The following NEDD4L variants were observed in gnomAD, a reference collection of about 807,000 sequenced individuals.
NEDD4L encodes NEDD4 like E3 ubiquitin protein ligase.
NEDD4L carries 54 observed loss-of-function variants against 148.9 expected under a neutral mutation model. The ratio of observed to expected loss-of-function variants is 0.36; its 90% CI spans 0.29 to 0.45. The LOEUF (loss-of-function observed/expected upper bound fraction) is 0.45, where lower values mean the gene tolerates loss of function less well. Ranked by LOEUF, NEDD4L falls within the 20% of genes least tolerant of loss-of-function variation. NEDD4L has a pLI of 1.00. For missense variants in NEDD4L, 856 were observed against 1,233.8 expected (o/e 0.69, Z 4.59); for synonymous variants, 433 against 440.7 (o/e 0.98, Z 0.22).
intron 1 of NEDD4L, among the ~76,000 whole-genome samples, chr18:58,134,063 T>A (rs894711968): frequency 2.6e-5 from 4 of 152,134 alleles, no homozygotes; most frequent in African/African-American, 4.8e-5. Context: ...TGCAGAGGCA[T>A]GATCCTGGCT....
At chr18:58,074,088 C>A (rs1319524031) in intron 1 of NEDD4L, among the ~76,000 whole-genome samples, 5 of 152,048 alleles carry the variant, frequency 3.3e-5, no homozygotes, top group Non-Finnish European at 5.9e-5. Context: ...ATTGGAGCAT[C>A]CCTCAATTCC....
At chr18:58,237,024 A>AAATAATAATAAT (rs74175853) in intron 2 of NEDD4L, among the ~76,000 whole-genome samples, 1 of 150,366 alleles carries the variant, frequency 6.7e-6, no homozygotes, top group African/African-American at 2.4e-5. Flanking sequence ...ACTCCATCTC[A>AAATAATAATAAT]AATAATAATA....
intron 15 of NEDD4L, among the ~76,000 whole-genome samples, chr18:58,342,072 G>A (rs996261215): frequency 3.9e-5 from 6 of 152,324 alleles, no homozygotes; most frequent in South Asian, 2.1e-4. Flanking sequence ...GACTTCCACC[G>A]TTCTTGTTGT....
intron 1 of NEDD4L, among the ~76,000 whole-genome samples, chr18:58,084,342 G>T (rs990615637): frequency 1.9e-4 from 29 of 152,162 alleles, no homozygotes; most frequent in African/African-American, 7.0e-4. Context: ...ATGCTTGTAC[G>T]ACTCTGTGGA....
At chr18:58,389,408 G>A (rs1196131244) in intron 28 of NEDD4L, 9 of 454,358 alleles carry the variant, frequency 2.0e-5, no homozygotes, top group Admixed American at 1.8e-4. Context: ...AATGAAGTTG[G>A]TCCCTACAAA....
intron 1 of NEDD4L, among the ~76,000 whole-genome samples, chr18:58,071,421 A>G (rs958078771): frequency 6.6e-6 from 1 of 152,216 alleles, no homozygotes; most frequent in African/African-American, 2.4e-5. Flanking sequence ...TAGTAACTGA[A>G]ATGAAGAATT....
chr18:58,349,472 G>A, intron 16 of NEDD4L, 65 bp from the exon 17 acceptor site: 5 of 1,365,012 alleles, frequency 3.7e-6, no homozygotes, highest in South Asian at 3.5e-5. Context: ...AAGAAGAAAA[G>A]CACCCAGTAA....
intron 1 of NEDD4L, among the ~76,000 whole-genome samples, chr18:58,072,814 C>G (rs1568175317): frequency 6.6e-6 from 1 of 151,854 alleles, no homozygotes. Context: ...AGAAAAGTAT[C>G]TGTAGTTACA....
chr18:58,295,542 C>T (rs1477836143), intron 5 of NEDD4L, among the ~76,000 whole-genome samples: 1 of 152,090 alleles, frequency 6.6e-6, no homozygotes, highest in Non-Finnish European at 1.5e-5. Context: ...TGGGTTTTGG[C>T]AATTATGAAT....
intron 1 of NEDD4L, among the ~76,000 whole-genome samples, chr18:58,094,700 C>T (rs1474752337): frequency 6.6e-6 from 1 of 151,512 alleles, no homozygotes; most frequent in African/African-American, 2.4e-5. Context: ...TGTAGATGGC[C>T]CCAACATCAT....
rs1170562534 is a variant in NEDD4L at position 58,256,639 on chromosome 18, A to T, written c.297+4585A>T. The T allele has an allele frequency of 3.2e-6, 4 of 1,232,200 alleles. No individual in the cohort carries two copies. In the East Asian group the frequency reaches 1.3e-4, roughly 39 times the overall value. 76.3% of individuals were successfully genotyped at this position (1,232,200 alleles called of 1,614,324 possible). On this transcript the variant is annotated intron_variant, in intron 5 of 30. Coordinates refer to ENST00000400345, the MANE Select transcript of NEDD4L (RefSeq NM_001144967.3). This position sits in a 1 kb window ranked among gnomAD's most constrained non-coding sequence, Gnocchi z 5.2. ...GGACTCCGCAGGGCCAGGGGTGCAC[A>T]TTTAAGATCAGGCAGGATCAGAACG...
rs537442450 is a variant in NEDD4L, at chr18:58,397,380, T to C, written c.*1111T>C. ...TTATTTTTTTATCATGAACATTAAA[T>C]GTGATGATGATTTCTTTTCCCTGCA... is the stretch of plus-strand genomic sequence containing the variant. On this transcript the variant is annotated 3_prime_UTR_variant, in exon 31 of 31. Coordinates refer to ENST00000400345, the MANE Select transcript of NEDD4L (RefSeq NM_001144967.3). 2 of 152,750 alleles carry C rather than the reference T, an allele frequency of 1.3e-5. No homozygotes were observed. The highest frequency in any genetic ancestry group is 1.3e-4 in the Admixed American group (2 of 15,304). 9.5% of individuals were successfully genotyped at this position (152,750 alleles called of 1,614,324 possible).
In NEDD4L at chr18:58,348,326, C is replaced by CTTTTTTTTCTTTTTTTTTTTTTTT. The variant is rs2043371626; in HGVS notation, c.1576-1203_1576-1202insCTTTTTTTTTTTTTTTTTTTTTTT. Among the ~76,000 whole-genome samples the CTTTTTTTTCTTTTTTTTTTTTTTT allele has an allele frequency of 6.7e-4, 59 of 88,670 alleles. 1 individual carries two copies. Among genetic ancestry groups the CTTTTTTTTCTTTTTTTTTTTTTTT allele is most frequent in the African/African-American group, 3.1e-3 (58 of 18,516 alleles). 58.2% of individuals were successfully genotyped at this position (88,670 alleles called of 152,430 possible). A position where few individuals can be genotyped will look rare whatever the true frequency, so the allele number is the denominator to read the frequency against. On this transcript the variant is annotated intron_variant, in intron 16 of 30. Transcript: ENST00000400345. Reference sequence around the variant, plus strand: ...CACTGCATTTCTTTTTCTTTTTTTTCTTTTTTTTTTTTTTTTTTTTTTTGA... The same window carrying CTTTTTTTTCTTTTTTTTTTTTTTT: ...CACTGCATTTCTTTTTCTTTTTTTTCTTTTTTTTCTTTTTTTTTTTTTTTTTTTTTTTTTTTTTTTTTTTTTTGA...
chr18:58,365,600 G>A (rs545215904), intron 20 of NEDD4L, among the ~76,000 whole-genome samples: 1 of 152,314 alleles, frequency 6.6e-6, no homozygotes, highest in Admixed American at 6.5e-5. Flanking sequence ...GCATGGATAG[G>A]CCCAACCTGG....
At chr18:58,359,514 T>C (rs2045191094) in intron 19 of NEDD4L, among the ~76,000 whole-genome samples, 1 of 152,230 alleles carries the variant, frequency 6.6e-6, no homozygotes, top group South Asian at 2.1e-4. Context: ...TGCTTTAAAC[T>C]TTCCTAATAG....
intron 1 of NEDD4L, among the ~76,000 whole-genome samples, chr18:58,138,694 C>T (rs2033145282): frequency 6.6e-6 from 1 of 152,148 alleles, no homozygotes; most frequent in South Asian, 2.1e-4. Context: ...TGGGGACCTG[C>T]TTCCTGGTCT....
In NEDD4L at chr18:58,141,994, T is replaced by G. The variant is rs73959502; in HGVS notation, c.49-23794T>G. Among the ~76,000 whole-genome samples the G allele has an allele frequency of 7.7e-3, 1,158 of 150,456 alleles. 18 individuals carry two copies. The highest frequency in any genetic ancestry group is 0.027 in the African/African-American group (1,082 of 40,780). On this transcript the variant is annotated intron_variant, in intron 1 of 30. Transcript: ENST00000400345. ...TGTAAAGGAGCAGGCACTGTGGGTT[T>G]TGTCTACCCCACCCCCCCGACCCCA...
rs1293762343 is a variant in NEDD4L, at chr18:58,383,452, C to A, written c.2426+133C>A. On this transcript the variant is annotated intron_variant, in intron 25 of 30. Coordinates refer to ENST00000400345, the MANE Select transcript of NEDD4L (RefSeq NM_001144967.3). ...TGGTCAGTTTTCAACAAGGTAAGTT[C>A]TTTTCTGGCTTGGGCTAATGGGAAG... 9.9e-6 allele frequency: 6 copies of A among 605,800 alleles called. No homozygotes were observed. In the East Asian group the frequency reaches 1.7e-4, roughly 17 times the overall value. 37.5% of individuals were successfully genotyped at this position (605,800 alleles called of 1,614,324 possible).
At chr18:58,293,688 T>C (rs2055111393) in intron 5 of NEDD4L, among the ~76,000 whole-genome samples, 1 of 152,248 alleles carries the variant, frequency 6.6e-6, no homozygotes, top group Non-Finnish European at 1.5e-5. Context: ...TAATAATGGG[T>C]TCTCATGAGT....
Sources: gnomAD v4.1 joint callset for allele counts (sites outside exome capture counted in the v4.1 genomes callset) on GRCh38, gnomAD v4.1.1 for gene constraint, Gnocchi (gnomAD v3.1) non-coding constraint, MANE v1.5 for transcripts, NCBI Gene and HGNC (gene_info 2026-07-23, HGNC 2026-07-21) for gene names.